Variants in S100Z observed in about 807,000 individuals in gnomAD.
S100Z encodes protein S100-Z.
Under a neutral mutation model 8.5 loss-of-function variants are expected in S100Z, and 11 were observed. That is an observed-to-expected ratio of 1.30 (90% CI 0.82 to 2.15). S100Z has a LOEUF of 2.15. Among genes scored for constraint, S100Z ranks in the 30% most tolerant of loss-of-function variants. The pLI, the probability that S100Z is intolerant of heterozygous loss-of-function variation, is 0.00. For synonymous variants in S100Z, 34 were observed against 43.8 expected, an observed-to-expected ratio of 0.78 and a Z score of 0.89; for missense variants, 126 against 117.9, an observed-to-expected ratio of 1.07 and a Z score of -0.32.
chr5:76,862,363 C>T (rs1751083645), intron 1 of S100Z, among the ~76,000 whole-genome samples: 3 of 152,304 alleles, frequency 2.0e-5, no homozygotes, highest in South Asian at 4.1e-4. Context: ...ATACAGGCCA[C>T]ATCCTCACTC....
intron 4 of S100Z, among the ~76,000 whole-genome samples, chr5:76,890,820 C>G (rs572924122): frequency 1.1e-3 from 168 of 152,162 alleles, no homozygotes; most frequent in African/African-American, 3.8e-3. Context: ...AATTTATCCT[C>G]CATATTATGG....
chr5:76,925,737 G>T (rs1027929072), downstream of S100Z, among the ~76,000 whole-genome samples: 1 of 152,174 alleles, frequency 6.6e-6, no homozygotes, highest in South Asian at 2.1e-4. Context: ...GAGGCTGAGG[G>T]GGGCGGATCA....
chr5:76,885,093 C>G (rs111706365), intron 4 of S100Z, among the ~76,000 whole-genome samples: 115 of 152,266 alleles, frequency 7.6e-4, no homozygotes, highest in African/African-American at 2.7e-3. Flanking sequence ...GAACCATTGT[C>G]GAGCTTGTAT....
intron 1 of S100Z, among the ~76,000 whole-genome samples, chr5:76,863,802 T>C (rs1198174956): frequency 2.6e-5 from 4 of 152,206 alleles, no homozygotes. Flanking sequence ...CCTCCCAAAG[T>C]ACTGGGATTA....
the S100Z span, among the ~76,000 whole-genome samples, chr5:76,928,728 G>T: frequency 2.0e-5 from 3 of 152,114 alleles, no homozygotes; most frequent in Non-Finnish European, 4.4e-5. Context: ...TGACTATTTG[G>T]CTGTCTCTTT....
chr5:76,857,673 A>AT (rs1227232462), intron 1 of S100Z, among the ~76,000 whole-genome samples: 1 of 151,818 alleles, frequency 6.6e-6, no homozygotes, highest in African/African-American at 2.4e-5. Context: ...TAATTTTTGT[A>AT]TTTTTTTAGG....
chr5:76,927,382 C>G, the S100Z span, among the ~76,000 whole-genome samples: 1 of 152,186 alleles, frequency 6.6e-6, no homozygotes, highest in Non-Finnish European at 1.5e-5. Context: ...CCAAGTTGTG[C>G]TCTCCCTCTG....
intron 4 of S100Z, among the ~76,000 whole-genome samples, chr5:76,882,617 G>A (rs1050480818): frequency 6.6e-6 from 1 of 152,216 alleles, no homozygotes; most frequent in Non-Finnish European, 1.5e-5. Flanking sequence ...AGGCATTGGG[G>A]TTTGGGAGAT....
At chr5:76,913,894 A>G (rs1744762838) in intron 4 of S100Z, among the ~76,000 whole-genome samples, 1 of 152,240 alleles carries the variant, frequency 6.6e-6, no homozygotes, top group South Asian at 2.1e-4. Context: ...TCAAGCTCTT[A>G]TACCAACTTC....
chr5:76,916,272 G>T (rs1410838057), intron 4 of S100Z, among the ~76,000 whole-genome samples: 1 of 151,102 alleles, frequency 6.6e-6, no homozygotes, highest in Non-Finnish European at 1.5e-5. Context: ...CCAAATAACA[G>T]AACTACAAAA....
chr5:76,905,456 A>G (rs1379167114), intron 4 of S100Z, among the ~76,000 whole-genome samples: 1 of 152,072 alleles, frequency 6.6e-6, no homozygotes, highest in Non-Finnish European at 1.5e-5. Context: ...TCTGTTGCCT[A>G]GGCTGGAGTG....
chr5:76,877,842 A>G lies in S100Z; in HGVS notation c.*2+8A>G, dbSNP rs1437210127. 6.3e-7 allele frequency: 1 copy of G among 1,598,018 alleles called. No homozygotes were observed. The highest frequency in any genetic ancestry group is 1.7e-5 in the Admixed American group (1 of 59,914). ...GAAGAAAGGAAAATAAAGGTAAGTA[A>G]TAAGCTCATCTAAAGGCAGAAATAT... On this transcript the variant is annotated splice_region_variant and intron_variant, in intron 4 of 4. Coordinates refer to ENST00000317593, the MANE Select transcript of S100Z (RefSeq NM_130772.4).
At chr5:76,951,529 G>C in the S100Z span, among the ~76,000 whole-genome samples, 1 of 152,170 alleles carries the variant, frequency 6.6e-6, no homozygotes, top group Non-Finnish European at 1.5e-5. Context: ...AAAGAGAAGA[G>C]GGCCTGTGGC....
intron 4 of S100Z, among the ~76,000 whole-genome samples, chr5:76,906,803 TTG>T (rs1206445502): frequency 6.6e-6 from 1 of 151,550 alleles, no homozygotes; most frequent in East Asian, 1.9e-4. Flanking sequence ...CAGCTAATTT[TTG>T]TGTTTTTAGT....
chr5:76,855,632 G>A lies in S100Z; in HGVS notation c.-176+5477G>A, dbSNP rs565444036. Among the ~76,000 whole-genome samples the A allele has an allele frequency of 1.1e-4, 16 of 152,302 alleles. No homozygotes were observed. In the South Asian group the frequency reaches 3.1e-3, roughly 30 times the overall value. On this transcript the variant is annotated intron_variant, in intron 1 of 4. Transcript: ENST00000317593. The stretch of plus-strand genomic sequence containing the variant: ...TATCTATACCCCCAGTTGTATCTTG[G>A]AAGTAACTAACTTGTTTTGATTTTA...
chr5:76,871,330 T>C (rs1377503224), intron 2 of S100Z, among the ~76,000 whole-genome samples: 1 of 152,134 alleles, frequency 6.6e-6, no homozygotes, highest in Non-Finnish European at 1.5e-5. Context: ...AATTTGACAC[T>C]TTTTAAGGTC....
At chr5:76,863,824 C>G (rs1029545143) in intron 1 of S100Z, among the ~76,000 whole-genome samples, 1 of 152,212 alleles carries the variant, frequency 6.6e-6, no homozygotes, top group South Asian at 2.1e-4. Flanking sequence ...AGGTGTGAGC[C>G]ACTGCGCCCG....
intron 1 of S100Z, among the ~76,000 whole-genome samples, chr5:76,868,815 G>T (rs1742893285): frequency 6.6e-6 from 1 of 151,842 alleles, no homozygotes; most frequent in Admixed American, 6.6e-5. Flanking sequence ...GTAGAGACGG[G>T]GTTTCACCGT....
intron 4 of S100Z, among the ~76,000 whole-genome samples, chr5:76,890,649 A>AAAAC (rs889497434): frequency 1.3e-5 from 2 of 152,124 alleles, no homozygotes; most frequent in East Asian, 1.9e-4. Context: ...CCCGGTCTCA[A>AAAAC]AAACAAACAA....
Sources: gnomAD v4.1 joint callset for allele counts (sites outside exome capture counted in the v4.1 genomes callset) on GRCh38, gnomAD v4.1.1 for gene constraint, MANE v1.5 for transcripts, NCBI Gene and HGNC (gene_info 2026-07-23, HGNC 2026-07-21) for gene names.